Variants in SLC2A9 observed in about 807,000 individuals in gnomAD.
SLC2A9 encodes solute carrier family 2, facilitated glucose transporter member 9.
Under a neutral mutation model 50.6 loss-of-function variants are expected in SLC2A9, and 39 were observed. The ratio of observed to expected loss-of-function variants is 0.77; its 90% CI spans 0.60 to 1.01. SLC2A9 has a LOEUF of 1.01. Among genes scored for constraint, SLC2A9 ranks in the 50% least tolerant of loss-of-function variants. The pLI, the probability that SLC2A9 is intolerant of heterozygous loss-of-function variation, is 0.00. For missense variants in SLC2A9, 686 were observed against 677.6 expected (o/e 1.01, Z -0.14); for synonymous variants, 324 against 276.9 (o/e 1.17, Z -1.69).
At chr4:9,967,162 TG>T (rs1753176531) in intron 5 of SLC2A9, among the ~76,000 whole-genome samples, 1 of 152,244 alleles carries the variant, frequency 6.6e-6, no homozygotes, top group Non-Finnish European at 1.5e-5. Context: ...CAATTGAGAT[TG>T]TTTTTTAAAA....
intron 2 of SLC2A9, among the ~76,000 whole-genome samples, chr4:10,003,688 C>T (rs1044947625): frequency 6.6e-6 from 1 of 152,224 alleles, no homozygotes. Context: ...AGAGAATTCA[C>T]TGCACTAACA....
chr4:9,803,927 T>A (rs1325472545), intron 3 of SLC2A9, among the ~76,000 whole-genome samples: 3 of 152,246 alleles, frequency 2.0e-5, no homozygotes, highest in Non-Finnish European at 2.9e-5. Flanking sequence ...TTTGTTTTGA[T>A]AAAGCTTAGA....
intron 10 of SLC2A9, among the ~76,000 whole-genome samples, chr4:9,887,325 C>A (rs1736452324): frequency 6.6e-6 from 1 of 152,214 alleles, no homozygotes; most frequent in Admixed American, 6.5e-5. Flanking sequence ...ACTGCTCTTG[C>A]TGTGTGGTGG....
chr4:9,824,233 C>T (rs1204638351), downstream of SLC2A9, among the ~76,000 whole-genome samples: 3 of 151,704 alleles, frequency 2.0e-5, no homozygotes, highest in South Asian at 2.1e-4. Flanking sequence ...CGCCTCAGGA[C>T]GGCAAGAGGC....
At chr4:9,844,250 G>T (rs566152319) in intron 10 of SLC2A9, among the ~76,000 whole-genome samples, 1 of 146,978 alleles carries the variant, frequency 6.8e-6, no homozygotes, top group African/African-American at 2.5e-5. Context: ...CCCTCACCTT[G>T]AATTTATTTT....
chr4:9,918,363 A>G (rs781450016), intron 7 of SLC2A9, among the ~76,000 whole-genome samples: 2 of 152,172 alleles, frequency 1.3e-5, no homozygotes, highest in Non-Finnish European at 2.9e-5. Flanking sequence ...GCTGGACCAC[A>G]GTGTGGCTGT....
At chr4:9,913,627 G>C (rs1742310635) in intron 7 of SLC2A9, among the ~76,000 whole-genome samples, 1 of 152,162 alleles carries the variant, frequency 6.6e-6, no homozygotes, top group South Asian at 2.1e-4. Context: ...CAACCCAAGG[G>C]ACAGGGAGGT....
intron 3 of SLC2A9, among the ~76,000 whole-genome samples, chr4:9,803,993 A>C (rs1721804814): frequency 6.6e-6 from 1 of 152,236 alleles, no homozygotes; most frequent in South Asian, 2.1e-4. Context: ...TCTTCCAACA[A>C]AATATGAATC....
chr4:9,861,089 T>C (rs575437433), intron 10 of SLC2A9, among the ~76,000 whole-genome samples: 1 of 152,176 alleles, frequency 6.6e-6, no homozygotes, highest in Non-Finnish European at 1.5e-5. Context: ...CCCATTGCTA[T>C]AAAGAAATAC....
chr4:9,955,165 G>A (rs1291524379), intron 5 of SLC2A9, among the ~76,000 whole-genome samples: 3 of 152,138 alleles, frequency 2.0e-5, no homozygotes, highest in African/African-American at 7.2e-5. Flanking sequence ...GAATCAGGGA[G>A]AGGAGACGCA....
chr4:9,864,387 C>T (rs547650804), intron 10 of SLC2A9, among the ~76,000 whole-genome samples: 11 of 152,302 alleles, frequency 7.2e-5, no homozygotes, highest in African/African-American at 2.6e-4. Context: ...GGGAGCTGCC[C>T]CAAACAGCCT....
intron 2 of SLC2A9, among the ~76,000 whole-genome samples, chr4:10,008,009 A>C (rs1761097488): frequency 1.3e-5 from 2 of 152,136 alleles, no homozygotes; most frequent in South Asian, 4.1e-4. Context: ...TTCTAGTTTC[A>C]CTTGTCTGGT....
intron 6 of SLC2A9, among the ~76,000 whole-genome samples, chr4:9,935,418 G>A (rs775779277): frequency 4.6e-5 from 7 of 152,212 alleles, no homozygotes; most frequent in South Asian, 2.1e-4. Context: ...GGCAGAGCCC[G>A]AACACCTGCT....
At chr4:9,777,019 G>A (rs1042488117), downstream of SLC2A9, among the ~76,000 whole-genome samples, 2 of 152,144 alleles carry the variant, frequency 1.3e-5, no homozygotes, top group Non-Finnish European at 2.9e-5. Flanking sequence ...TCATCCTGAA[G>A]CAGCTTTTCC....
downstream of SLC2A9, among the ~76,000 whole-genome samples, chr4:9,776,085 C>T (rs942733982): frequency 1.3e-5 from 2 of 152,070 alleles, no homozygotes; most frequent in African/African-American, 4.8e-5. Context: ...AAGGGATCTG[C>T]TGGGGGCCAT....
At chr4:10,026,254 A>G (rs1763748809), upstream of SLC2A9, among the ~76,000 whole-genome samples, 1 of 152,076 alleles carries the variant, frequency 6.6e-6, no homozygotes, top group South Asian at 2.1e-4. Flanking sequence ...CAATGATCCC[A>G]TTCCTCTTCT....
chr4:9,915,629 A>G (rs965985826), intron 7 of SLC2A9, among the ~76,000 whole-genome samples: 1 of 152,188 alleles, frequency 6.6e-6, no homozygotes, highest in African/African-American at 2.4e-5. Flanking sequence ...CTTGTCCAAG[A>G]TCCCATAACT....
chr4:10,007,587 G>A (rs1175133215), intron 2 of SLC2A9, among the ~76,000 whole-genome samples: 1 of 152,184 alleles, frequency 6.6e-6, no homozygotes, highest in Non-Finnish European at 1.5e-5. Flanking sequence ...GCAGAGAAGT[G>A]AATGCACTCC....
intron 6 of SLC2A9, among the ~76,000 whole-genome samples, chr4:9,937,193 A>G (rs975062738): frequency 6.6e-6 from 1 of 152,192 alleles, no homozygotes; most frequent in African/African-American, 2.4e-5. Flanking sequence ...TTACAGCAAG[A>G]GTTGCTTGTT....
Sources: gnomAD v4.1 joint callset for allele counts (sites outside exome capture counted in the v4.1 genomes callset) on GRCh38, gnomAD v4.1.1 for gene constraint, MANE v1.5 for transcripts, NCBI Gene and HGNC (gene_info 2026-07-23, HGNC 2026-07-21) for gene names.